BCKDHB: variants seen among roughly 807,000 people sequenced by gnomAD.
The protein encoded by BCKDHB is 2-oxoisovalerate dehydrogenase subunit beta, mitochondrial.
BCKDHB carries 41 observed loss-of-function variants against 48.5 expected under a neutral mutation model. The observed-to-expected ratio is 0.85, with a 90% CI of 0.66 to 1.10. The LOEUF is 1.10. Ranked by LOEUF, BCKDHB falls within the 50% of genes least tolerant of loss-of-function variation. The pLI, the probability that BCKDHB is intolerant of heterozygous loss-of-function variation, is 0.00. For synonymous variants in BCKDHB, 201 were observed against 174.8 expected (o/e 1.15, Z -1.18); for missense variants, 496 against 494.2 (o/e 1.00, Z -0.03).
intron 8 of BCKDHB, among the ~76,000 whole-genome samples, chr6:80,208,448 A>G (rs1774770677): frequency 6.6e-6 from 1 of 151,818 alleles, no homozygotes. Context: ...TAGAGAAAGT[A>G]GAAGAAATGA....
chr6:80,375,835 A>C, the BCKDHB span, among the ~76,000 whole-genome samples: 13 of 152,086 alleles, frequency 8.5e-5, no homozygotes, highest in African/African-American at 3.1e-4. Flanking sequence ...CTTTTTTCCC[A>C]TGGGGAGCTT....
intron 9 of BCKDHB, among the ~76,000 whole-genome samples, chr6:80,313,671 C>T (rs575646680): frequency 1.2e-4 from 19 of 152,194 alleles, no homozygotes; most frequent in South Asian, 2.1e-4. Context: ...TGAGCCACCG[C>T]GCCTGACCTA....
At chr6:80,451,967 G>A in the BCKDHB span, among the ~76,000 whole-genome samples, 1 of 152,138 alleles carries the variant, frequency 6.6e-6, no homozygotes, top group Non-Finnish European at 1.5e-5. Context: ...AAATCTCAGT[G>A]AATTGAAACA....
At chr6:80,421,406 C>A in the BCKDHB span, among the ~76,000 whole-genome samples, 8 of 152,260 alleles carry the variant, frequency 5.3e-5, no homozygotes, top group South Asian at 1.7e-3. Flanking sequence ...AGAGAATTAG[C>A]ACTGGGAGTG....
the BCKDHB span, among the ~76,000 whole-genome samples, chr6:80,361,005 A>C: frequency 1.3e-5 from 2 of 148,340 alleles, no homozygotes; most frequent in East Asian, 2.0e-4. Flanking sequence ...CTCCATCTCA[A>C]AAAAAAAAAA....
the BCKDHB span, among the ~76,000 whole-genome samples, chr6:80,453,584 A>T: frequency 2.6e-5 from 4 of 152,114 alleles, no homozygotes; most frequent in Non-Finnish European, 1.5e-5. Flanking sequence ...GAGCAAGGAG[A>T]TATTATGTCC....
the BCKDHB span, among the ~76,000 whole-genome samples, chr6:80,429,526 G>A: frequency 1.3e-5 from 2 of 152,254 alleles, no homozygotes; most frequent in Middle Eastern, 6.8e-3. Flanking sequence ...TTTTCCATTT[G>A]TTTGTGCCCT....
At chr6:80,439,770 G>T in the BCKDHB span, among the ~76,000 whole-genome samples, 1 of 152,174 alleles carries the variant, frequency 6.6e-6, no homozygotes, top group East Asian at 1.9e-4. Flanking sequence ...CAATTCTAAA[G>T]CTGGGCCTGG....
the BCKDHB span, among the ~76,000 whole-genome samples, chr6:80,424,309 A>G: frequency 6.6e-6 from 1 of 152,162 alleles, no homozygotes; most frequent in Non-Finnish European, 1.5e-5. Flanking sequence ...TTAAACTTCA[A>G]AGCACGCTTT....
intron 1 of BCKDHB, among the ~76,000 whole-genome samples, chr6:80,117,432 T>C (rs1769762707): frequency 6.6e-6 from 1 of 152,182 alleles, no homozygotes; most frequent in Non-Finnish European, 1.5e-5. Context: ...TCAGCAGACT[T>C]GAAATAAATA....
chr6:80,165,643 G>C (rs1208826975), intron 3 of BCKDHB, among the ~76,000 whole-genome samples: 2 of 152,094 alleles, frequency 1.3e-5, no homozygotes, highest in Non-Finnish European at 2.9e-5. Flanking sequence ...TGAAATTCTG[G>C]CATGAGCTGA....
chr6:80,272,098 T>G (rs1459211591), intron 8 of BCKDHB, among the ~76,000 whole-genome samples: 2 of 152,104 alleles, frequency 1.3e-5, no homozygotes, highest in East Asian at 3.9e-4. Context: ...TTCATAAAAT[T>G]TTATGTTCTA....
At chr6:80,308,762 T>G (rs574847572) in intron 9 of BCKDHB, among the ~76,000 whole-genome samples, 2 of 151,150 alleles carry the variant, frequency 1.3e-5, no homozygotes, top group African/African-American at 4.9e-5. Flanking sequence ...GCCCGGCTAA[T>G]TTTTTTGTAT....
At chr6:80,135,111 A>AT (rs1285250271) in intron 3 of BCKDHB, among the ~76,000 whole-genome samples, 2 of 152,032 alleles carry the variant, frequency 1.3e-5, no homozygotes, top group Non-Finnish European at 2.9e-5. Flanking sequence ...TCTCTTATAT[A>AT]TTTTTTGTGA....
Position 80,230,768 on chromosome 6 carries a change from A to T in BCKDHB, c.951+27556A>T, listed in dbSNP as rs190635570. ...GTGCCATGATGAAGGAAAAGAGAGC[A>T]CGTGCAAGAGAGAGAAGGAAGGGGG... On this transcript the variant is annotated intron_variant, in intron 8 of 9. Coordinates refer to ENST00000320393, the MANE Select transcript of BCKDHB (RefSeq NM_183050.4). Among the ~76,000 whole-genome samples the T allele has an allele frequency of 1.0e-3, 157 of 152,318 alleles. No individual in the cohort carries two copies. In the South Asian group the frequency reaches 0.017, roughly 16 times the overall value.
chr6:80,121,784 A>G (rs537037946), intron 1 of BCKDHB, among the ~76,000 whole-genome samples: 18 of 152,168 alleles, frequency 1.2e-4, no homozygotes, highest in Non-Finnish European at 2.1e-4. Flanking sequence ...TAAATATACA[A>G]TAATCTCATC....
chr6:80,346,992 A>G (rs1424188528), downstream of BCKDHB, among the ~76,000 whole-genome samples: 1 of 144,808 alleles, frequency 6.9e-6, no homozygotes, highest in Non-Finnish European at 1.5e-5. Context: ...AACACTGGAA[A>G]AAAGCAAAAA....
intron 9 of BCKDHB, among the ~76,000 whole-genome samples, chr6:80,327,038 T>C (rs1769065797): frequency 6.6e-6 from 1 of 152,184 alleles, no homozygotes; most frequent in African/African-American, 2.4e-5. Flanking sequence ...GTACTCTTTT[T>C]AACCTGTGCC....
At chr6:80,460,456 C>A in the BCKDHB span, among the ~76,000 whole-genome samples, 7 of 152,136 alleles carry the variant, frequency 4.6e-5, no homozygotes, top group South Asian at 1.4e-3. Context: ...TGGAATACCC[C>A]ACCCTAAACA....
Sources: allele counts gnomAD v4.1 joint callset (sites outside exome capture counted in the v4.1 genomes callset), GRCh38; gene constraint gnomAD v4.1.1; transcripts MANE v1.5; gene names NCBI Gene and HGNC (gene_info 2026-07-23, HGNC 2026-07-21).